Variants in KCNIP1 observed in about 807,000 individuals in gnomAD.
The protein encoded by KCNIP1 is potassium voltage-gated channel interacting protein 1, also known as A-type potassium channel modulatory protein KCNIP1.
Under a neutral mutation model 33.0 loss-of-function variants are expected in KCNIP1, and 18 were observed. The observed-to-expected ratio is 0.55, with a 90% CI of 0.38 to 0.81. The LOEUF is 0.81. Among genes scored for constraint, KCNIP1 ranks in the 30% least tolerant of loss-of-function variants. The pLI is 0.00. For synonymous variants in KCNIP1, 93 were observed against 98.3 expected, an observed-to-expected ratio of 0.95 and a Z score of 0.32; for missense variants, 238 against 271.6, an observed-to-expected ratio of 0.88 and a Z score of 0.87.
At chr5:170,714,053 T>C (rs1581534837) in intron 1 of KCNIP1, among the ~76,000 whole-genome samples, 1 of 146,754 alleles carries the variant, frequency 6.8e-6, no homozygotes. Context: ...GATGGGTAAG[T>C]ATAAAGTCCA....
chr5:170,362,648 A>G (rs1763544977), intron 1 of KCNIP1, among the ~76,000 whole-genome samples: 1 of 152,178 alleles, frequency 6.6e-6, no homozygotes, highest in African/African-American at 2.4e-5. Flanking sequence ...AGTCTGGCCA[A>G]TTTTCATTTA....
chr5:170,550,448 T>C (rs1756567760), intron 1 of KCNIP1, among the ~76,000 whole-genome samples: 1 of 152,170 alleles, frequency 6.6e-6, no homozygotes, highest in Non-Finnish European at 1.5e-5. Context: ...ATGGTGATGA[T>C]GATGGCAATG....
At chr5:170,680,342 G>A (rs948192942) in intron 1 of KCNIP1, among the ~76,000 whole-genome samples, 1 of 152,138 alleles carries the variant, frequency 6.6e-6, no homozygotes, top group African/African-American at 2.4e-5. Flanking sequence ...AGGACATGCC[G>A]ACAGCATCAC....
At chr5:170,493,865 A>G (rs1370053535) in intron 1 of KCNIP1, among the ~76,000 whole-genome samples, 1 of 151,958 alleles carries the variant, frequency 6.6e-6, no homozygotes, top group Non-Finnish European at 1.5e-5. Flanking sequence ...AATAGTGCAT[A>G]CTCCACTCTC....
At chr5:170,449,384 C>T (rs1343316923) in intron 1 of KCNIP1, among the ~76,000 whole-genome samples, 1 of 152,302 alleles carries the variant, frequency 6.6e-6, no homozygotes, top group Non-Finnish European at 1.5e-5. Flanking sequence ...CTGAGCTCCA[C>T]ACACCCTTGG....
At chr5:170,464,092 G>A (rs2113115030) in intron 1 of KCNIP1, among the ~76,000 whole-genome samples, 1 of 152,092 alleles carries the variant, frequency 6.6e-6, no homozygotes, top group South Asian at 2.1e-4. Context: ...TTTAACAGAA[G>A]TCTAAAACTT....
intron 1 of KCNIP1, chr5:170,383,627 C>T (rs1204292818): frequency 2.5e-6 from 4 of 1,597,374 alleles, no homozygotes; most frequent in East Asian, 2.2e-5. Flanking sequence ...GGAACAGGCT[C>T]ACACACCTGA....
chr5:170,515,036 A>C (rs1406853883), intron 1 of KCNIP1, among the ~76,000 whole-genome samples: 2 of 152,144 alleles, frequency 1.3e-5, no homozygotes, highest in Non-Finnish European at 2.9e-5. Context: ...CCCCTATTTT[A>C]TAGATGAGGA....
chr5:170,517,238 G>A (rs779555742), intron 1 of KCNIP1, among the ~76,000 whole-genome samples: 13 of 152,094 alleles, frequency 8.5e-5, no homozygotes, highest in Non-Finnish European at 8.8e-5. Context: ...GAGAGCAAAG[G>A]GGGGTGTGCT....
intron 1 of KCNIP1, among the ~76,000 whole-genome samples, chr5:170,395,140 T>C (rs1414656020): frequency 5.3e-5 from 8 of 152,252 alleles, no homozygotes. Flanking sequence ...GGTCAAATGA[T>C]GGTTCTATTT....
Position 170,388,377 on chromosome 5 carries a change from T to G in KCNIP1, c.88+34413T>G, listed in dbSNP as rs576678580. On this transcript the variant is annotated intron_variant, in intron 1 of 7. Coordinates refer to the KCNIP1 transcript ENST00000377360. ...CTTTGGCGGGAGGAAGGATGGGAAC[T>G]GTCAATATCCCCCAAGGGACAGAAA... is the stretch of plus-strand genomic sequence containing the variant. 2.0e-5 allele frequency among the ~76,000 whole-genome samples: 3 copies of G among 152,298 alleles called. No homozygotes were observed. In the East Asian group the frequency reaches 5.8e-4, roughly 29 times the overall value.
chr5:170,628,484 G>C (rs1416430959), intron 1 of KCNIP1, among the ~76,000 whole-genome samples: 1 of 152,140 alleles, frequency 6.6e-6, no homozygotes, highest in Admixed American at 6.5e-5. Context: ...ACTCCAAAGG[G>C]CGTGTGTGTG....
intron 1 of KCNIP1, among the ~76,000 whole-genome samples, chr5:170,532,036 G>A (rs1035412700): frequency 2.6e-5 from 4 of 152,128 alleles, no homozygotes; most frequent in Non-Finnish European, 5.9e-5. Flanking sequence ...TTATCCATCC[G>A]GCCAACTCCT....
At chr5:170,645,974 A>G (rs796924152) in intron 1 of KCNIP1, among the ~76,000 whole-genome samples, 6 of 152,322 alleles carry the variant, frequency 3.9e-5, no homozygotes, top group African/African-American at 1.4e-4. Flanking sequence ...GAACACCTCT[A>G]TGCCCACAAA....
intron 1 of KCNIP1, among the ~76,000 whole-genome samples, chr5:170,491,652 A>G (rs1757209310): frequency 1.3e-5 from 2 of 152,232 alleles, no homozygotes; most frequent in African/African-American, 4.8e-5. Flanking sequence ...GGAAGAAGGA[A>G]CATTTTTGGA....
intron 1 of KCNIP1, among the ~76,000 whole-genome samples, chr5:170,618,531 G>A (rs1581404539): frequency 1.1e-5 from 1 of 90,208 alleles, no homozygotes; most frequent in Non-Finnish European, 2.2e-5. Flanking sequence ...AGGGAGGGAG[G>A]GAGGAAAGGA....
chr5:170,613,651 G>T (rs1169385780), intron 1 of KCNIP1, among the ~76,000 whole-genome samples: 1 of 152,150 alleles, frequency 6.6e-6, no homozygotes, highest in Non-Finnish European at 1.5e-5. Context: ...CCGGGAGCTG[G>T]AAATGTACCT....
chr5:170,702,318 G>A (rs529196765), intron 1 of KCNIP1, among the ~76,000 whole-genome samples: 56 of 152,222 alleles, frequency 3.7e-4, no homozygotes, highest in Non-Finnish European at 7.3e-4. Flanking sequence ...GGAATCCAGT[G>A]TGCGGCCTTG....
chr5:170,641,235 G>C (rs1301625211), intron 1 of KCNIP1, among the ~76,000 whole-genome samples: 1 of 152,192 alleles, frequency 6.6e-6, no homozygotes, highest in Non-Finnish European at 1.5e-5. Flanking sequence ...CTCTTTCCCA[G>C]ACCCCACCTC....
Sources: allele counts gnomAD v4.1 joint callset (sites outside exome capture counted in the v4.1 genomes callset), GRCh38; gene constraint gnomAD v4.1.1; transcripts MANE v1.5; gene names NCBI Gene and HGNC (gene_info 2026-07-23, HGNC 2026-07-21).